The following GFRA2 variants were observed in gnomAD, a reference collection of about 807,000 sequenced individuals.
The protein encoded by GFRA2 is GDNF family receptor alpha-2.
In GFRA2, 17 loss-of-function variants were observed where a neutral mutation model predicts 48.3. The ratio of observed to expected loss-of-function variants is 0.35; its 90% CI spans 0.24 to 0.53. The LOEUF (loss-of-function observed/expected upper bound fraction) is 0.53, where lower values mean the gene tolerates loss of function less well. Ranked by LOEUF, GFRA2 falls within the 20% of genes least tolerant of loss-of-function variation. The pLI, the probability that GFRA2 is intolerant of heterozygous loss-of-function variation, is 0.93. For missense variants in GFRA2, 660 were observed against 637.3 expected (o/e 1.04, Z -0.38); for synonymous variants, 305 against 257.2 (o/e 1.19, Z -1.78).
At chr8:21,746,275 C>A (rs1419884271) in intron 4 of GFRA2, among the ~76,000 whole-genome samples, 1 of 152,180 alleles carries the variant, frequency 6.6e-6, no homozygotes, top group African/African-American at 2.4e-5. Flanking sequence ...CCGCCCCAAA[C>A]CTCAACTCTC....
At chr8:21,808,426 T>C (rs1038225187) in intron 1 of GFRA2, among the ~76,000 whole-genome samples, 9 of 152,230 alleles carry the variant, frequency 5.9e-5, no homozygotes, top group Admixed American at 5.9e-4. Context: ...AGGGTTGTTA[T>C]GATGTCCATC....
intron 3 of GFRA2, 97 bp from the exon 4 acceptor site, chr8:21,751,039 C>T: frequency 1.2e-6 from 1 of 812,028 alleles, no homozygotes; most frequent in South Asian, 1.7e-5. Flanking sequence ...ACTCGATATG[C>T]TTCCATGTGC....
chr8:21,757,647 C>T lies in GFRA2; in HGVS notation c.440-6705G>A, dbSNP rs1290864069. ...AGTAGCTGGGATTACAGGCGCCTGC[C>T]ACCACACTCAGCTAATTATTTTTTG... On this transcript the variant is annotated intron_variant, in intron 3 of 8. Transcript: ENST00000524240. Among the ~76,000 whole-genome samples the T allele has an allele frequency of 2.0e-5, 3 of 152,162 alleles. No individual in the cohort carries two copies. The East Asian group carries it at 5.8e-4, about 29-fold the overall frequency.
At chr8:21,729,908 C>T (rs2117490552) in intron 4 of GFRA2, among the ~76,000 whole-genome samples, 1 of 152,294 alleles carries the variant, frequency 6.6e-6, no homozygotes, top group South Asian at 2.1e-4. Flanking sequence ...CTAAACCGAA[C>T]AGCTGGTGGG....
chr8:21,810,332 G>A (rs1379822981), intron 1 of GFRA2, among the ~76,000 whole-genome samples: 2 of 152,088 alleles, frequency 1.3e-5, no homozygotes, highest in Non-Finnish European at 2.9e-5. Context: ...CTCCAGCTTG[G>A]GGGAGGTCAG....
chr8:21,768,720 G>A (rs1404646656), intron 3 of GFRA2, among the ~76,000 whole-genome samples: 3 of 152,076 alleles, frequency 2.0e-5, no homozygotes, highest in Non-Finnish European at 2.9e-5. Flanking sequence ...TGAGCCCAGG[G>A]ATAAGTCTCT....
intron 3 of GFRA2, among the ~76,000 whole-genome samples, chr8:21,756,452 C>A (rs1044880462): frequency 2.0e-5 from 3 of 152,182 alleles, no homozygotes; most frequent in African/African-American, 7.2e-5. Flanking sequence ...AAGCACCTCA[C>A]CAAGGAGGCA....
At position 21,750,111 on chromosome 8, in the gene GFRA2, G is replaced by T. The variant is rs984975460; in HGVS notation, c.794+477C>A. Among the ~76,000 whole-genome samples, 1 of 107,150 alleles carries T rather than the reference G, an allele frequency of 9.3e-6. No individual in the cohort carries two copies. Among genetic ancestry groups the T allele is most frequent in the African/African-American group, 4.1e-5 (1 of 24,366 alleles). 70.3% of individuals were successfully genotyped at this position (107,150 alleles called of 152,430 possible). A position where few individuals can be genotyped will look rare whatever the true frequency, so the allele number is the denominator to read the frequency against. ...TATACACACACACACACACACACAC[G>T]CACATATATAGGTAGAGACTGAGTT... On this transcript the variant is annotated intron_variant, in intron 4 of 8. Coordinates refer to ENST00000524240, the MANE Select transcript of GFRA2 (RefSeq NM_001495.5). This position sits in a 1 kb window ranked among gnomAD's most constrained non-coding sequence, Gnocchi z 5.7.
chr8:21,696,486 C>A (rs1802182150), intron 7 of GFRA2, among the ~76,000 whole-genome samples: 1 of 152,210 alleles, frequency 6.6e-6, no homozygotes, highest in Non-Finnish European at 1.5e-5. Flanking sequence ...AGGGTGGGGC[C>A]TGCACAATGT....
rs2229904 is a variant in GFRA2 at position 21,782,862 on chromosome 8, C to A, written c.78G>T (p.Leu26=). The change falls in exon 2 of 9, where the codon CTG becomes CTT. Residue 26 remains leucine (L), a synonymous_variant. Coordinates refer to ENST00000524240, the MANE Select transcript of GFRA2 (RefSeq NM_001495.5). ...GCCAGCCGTGGAGCTCGGGGCCCTG[C>A]AGGGAGGAAGGGCTGGCCAAAGAGC... ...TLRSLASPSS[L]QGPELHGWRP... 0.037 allele frequency: 58,536 copies of A among 1,567,428 alleles called. 3,140 individuals carry two copies. The highest frequency in any genetic ancestry group is 0.25 in the East Asian group (10,959 of 43,208).
intron 2 of GFRA2, among the ~76,000 whole-genome samples, chr8:21,801,084 C>G (rs72500153): frequency 0.035 from 5,301 of 152,170 alleles, 172 homozygotes; most frequent in African/African-American, 0.087. Context: ...TCTGACAACT[C>G]ATTAAAACAA....
At chr8:21,700,500 T>C (rs894400133) in intron 7 of GFRA2, among the ~76,000 whole-genome samples, 2 of 152,118 alleles carry the variant, frequency 1.3e-5, no homozygotes, top group African/African-American at 2.4e-5. Flanking sequence ...GGAAAGTCCT[T>C]TGTGGGGAGC....
chr8:21,783,170 A>G (rs2117074671), intron 1 of GFRA2: 1 of 623,806 alleles, frequency 1.6e-6, no homozygotes, highest in East Asian at 3.3e-5. Context: ...TAAAGCCAGG[A>G]AGGTCCCGGC....
chr8:21,759,471 A>T (rs1420919963), intron 3 of GFRA2, among the ~76,000 whole-genome samples: 12 of 114,472 alleles, frequency 1.0e-4, no homozygotes, highest in African/African-American at 4.2e-4. Flanking sequence ...GGAGGGAGGG[A>T]GGGAAAGAAG....
intron 4 of GFRA2, among the ~76,000 whole-genome samples, chr8:21,712,654 G>A (rs1419949281): frequency 2.6e-5 from 4 of 152,144 alleles, no homozygotes; most frequent in Admixed American, 6.5e-5. Context: ...GCCAAGGCAG[G>A]CGGCTGGGAG....
At chr8:21,717,779 C>T (rs978613679) in intron 4 of GFRA2, among the ~76,000 whole-genome samples, 2 of 152,158 alleles carry the variant, frequency 1.3e-5, no homozygotes, top group Non-Finnish European at 2.9e-5. Context: ...GAGAAAGAGC[C>T]TAGGGCTATC....
At chr8:21,740,797 G>A (rs145369928) in intron 4 of GFRA2, among the ~76,000 whole-genome samples, 6 of 152,268 alleles carry the variant, frequency 3.9e-5, no homozygotes, top group East Asian at 1.9e-4. Flanking sequence ...TTTATCTCCC[G>A]CCAGGCCTTC....
intron 4 of GFRA2, chr8:21,706,543 G>A (rs1802757908): frequency 2.4e-6 from 1 of 423,182 alleles, no homozygotes; most frequent in African/African-American, 2.0e-5. Flanking sequence ...GAAGCCAGTG[G>A]CCAGGGAGGC....
chr8:21,732,125 C>T (rs1464025159), intron 4 of GFRA2, among the ~76,000 whole-genome samples: 1 of 152,248 alleles, frequency 6.6e-6, no homozygotes, highest in Non-Finnish European at 1.5e-5. Context: ...CTGCATAGAA[C>T]ATGGTAGACA....
Sources: gnomAD v4.1 joint callset for allele counts (sites outside exome capture counted in the v4.1 genomes callset) on GRCh38, gnomAD v4.1.1 for gene constraint, Gnocchi (gnomAD v3.1) non-coding constraint, MANE v1.5 for transcripts, NCBI Gene and HGNC (gene_info 2026-07-23, HGNC 2026-07-21) for gene names.